BTN3A2: variants seen among roughly 807,000 people sequenced by gnomAD.
BTN3A2 encodes butyrophilin subfamily 3 member A2.
BTN3A2 carries 25 observed loss-of-function variants against 37.6 expected under a neutral mutation model. The observed-to-expected ratio is 0.66, with a 90% CI of 0.48 to 0.93. The LOEUF is 0.93. Ranked by LOEUF, BTN3A2 falls within the 40% of genes least tolerant of loss-of-function variation. The pLI, the probability that BTN3A2 is intolerant of heterozygous loss-of-function variation, is 0.00. For synonymous variants in BTN3A2, 122 were observed against 159.4 expected, an observed-to-expected ratio of 0.77 and a Z score of 1.77; for missense variants, 266 against 410.9, an observed-to-expected ratio of 0.65 and a Z score of 3.05.
intron 5 of BTN3A2, among the ~76,000 whole-genome samples, chr6:26,371,449 A>C (rs1423340831): frequency 1.3e-5 from 2 of 152,238 alleles, no homozygotes; most frequent in African/African-American, 4.8e-5. Flanking sequence ...GGCTTATAAT[A>C]CATGATTCTC....
At chr6:26,370,654 A>G (rs1424186151) in intron 5 of BTN3A2, 51 bp downstream of exon 5, 1 of 1,605,644 alleles carries the variant, frequency 6.2e-7, no homozygotes, top group African/African-American at 1.3e-5. Context: ...TGGCAGTTGA[A>G]TGAAGGGGGA....
rs190829915 is a variant in BTN3A2 at position 26,375,925 on chromosome 6, G to A, written c.*163G>A. The A allele has an allele frequency of 7.6e-6, 11 of 1,453,586 alleles. No homozygotes were observed. The African/African-American group carries it at 1.3e-4, about 17-fold the overall frequency. 90.0% of individuals were successfully genotyped at this position (1,453,586 alleles called of 1,614,324 possible). A position where few individuals can be genotyped will look rare whatever the true frequency, so the allele number is the denominator to read the frequency against. ...GTGAAGATTGAAAATTAACCTCTGA[G>A]GGCCAGCACAGCAGCTCATGCCTGT... is the stretch of plus-strand genomic sequence containing the variant. On this transcript the variant is annotated 3_prime_UTR_variant, in exon 11 of 11. Transcript: ENST00000377708.
intron 6 of BTN3A2, 80 bp downstream of exon 6, chr6:26,373,177 G>C: frequency 1.2e-6 from 2 of 1,604,028 alleles, no homozygotes; most frequent in Admixed American, 1.7e-5. Flanking sequence ...CCCTACCCTG[G>C]CACTGCATCA....
chr6:26,367,686 C>T (rs541134866), intron 1 of BTN3A2, among the ~76,000 whole-genome samples: 1 of 152,322 alleles, frequency 6.6e-6, no homozygotes, highest in African/African-American at 2.4e-5. Flanking sequence ...CCCTGACTGA[C>T]TTCAGAGCCT....
At chr6:26,373,588 G>GA (rs539931551) in intron 8 of BTN3A2, 175 bp downstream of exon 8, 25,663 of 140,312 alleles carry the variant, frequency 0.18, 2,636 homozygotes, top group Admixed American at 0.21. Flanking sequence ...TTTCTCTCTA[G>GA]AAAAAAAAAA....
At chr6:26,369,240 G>T (rs1399784723) in intron 4 of BTN3A2, among the ~76,000 whole-genome samples, 1 of 152,246 alleles carries the variant, frequency 6.6e-6, no homozygotes, top group Non-Finnish European at 1.5e-5. Flanking sequence ...TTGTGTAACA[G>T]ATGGCTTCTG....
In BTN3A2 at chr6:26,375,779, T is replaced by A; in HGVS notation, c.*35-18T>A. ...TTCTACAGCGCTAGAGATTCATATGTTTATCCCCATTTTTCAGGTGAGGAA... is the reference window on the plus strand; with the variant it reads ...TTCTACAGCGCTAGAGATTCATATGATTATCCCCATTTTTCAGGTGAGGAA... On this transcript the variant is annotated intron_variant, in intron 10 of 10. Coordinates refer to ENST00000377708, the MANE Select transcript of BTN3A2 (RefSeq NM_007047.5). The A allele has an allele frequency of 3.9e-6, 6 of 1,550,060 alleles. No individual in the cohort carries two copies. Among genetic ancestry groups the A allele is most frequent in the Non-Finnish European group, 5.2e-6 (6 of 1,146,492 alleles).
chr6:26,377,045 T>C lies in BTN3A2; in HGVS notation c.*1283T>C, dbSNP rs988874702. ...CCTCTTCCTCTGAGCCTCTGTATCC[T>C]GTATTCAGAATTTTGACCTTGGAGC... On this transcript the variant is annotated 3_prime_UTR_variant, in exon 11 of 11. Coordinates refer to ENST00000377708, the MANE Select transcript of BTN3A2 (RefSeq NM_007047.5). 9.4e-6 allele frequency: 13 copies of C among 1,384,072 alleles called. No homozygotes were observed. Among genetic ancestry groups the C allele is most frequent in the Non-Finnish European group, 1.3e-5 (13 of 974,592 alleles). 85.7% of individuals were successfully genotyped at this position (1,384,072 alleles called of 1,614,324 possible).
Position 26,374,346 on chromosome 6 carries a change from C to G in BTN3A2, c.984C>G (p.Ser328=). The G allele has an allele frequency of 2.5e-6, 4 of 1,613,258 alleles. No individual in the cohort carries two copies. The highest frequency in any genetic ancestry group is 3.4e-6 in the Non-Finnish European group (4 of 1,179,840). The stretch of plus-strand genomic sequence containing the variant: ...TTGTAGGTGGAGAGGAGTCTTCGTC[C>G]GATACCAATAAGTCAGCCTGATGCT... The part of the protein sequence containing the change: ...QYLTRGEESS[S]DTNKSA Residue 328 remains serine (S), a synonymous_variant, in exon 9 of 11, where the codon TCC becomes TCG. Coordinates refer to ENST00000377708, the MANE Select transcript of BTN3A2 (RefSeq NM_007047.5).
At position 26,365,254 on chromosome 6, in the gene BTN3A2, T is replaced by C. The variant is rs530270144; in HGVS notation, c.-165T>C. 6.1e-5 allele frequency: 91 copies of C among 1,483,288 alleles called. No individual in the cohort carries two copies. The African/African-American group carries it at 1.2e-3, about 19-fold the overall frequency. 91.9% of individuals were successfully genotyped at this position (1,483,288 alleles called of 1,614,324 possible). ...ATATTTGCTTTCTCTTTTTCCTTTCTTCCGGATGAGAGGCTAAGCCATAAT... is the reference window on the plus strand; with the variant it reads ...ATATTTGCTTTCTCTTTTTCCTTTCCTCCGGATGAGAGGCTAAGCCATAAT... On this transcript the variant is annotated 5_prime_UTR_variant, in exon 1 of 11. Transcript: ENST00000377708.
chr6:26,375,963 T>G lies in BTN3A2; in HGVS notation c.*201T>G. 1 of 1,177,500 alleles carries G rather than the reference T, an allele frequency of 8.5e-7. No individual in the cohort carries two copies. The highest frequency in any genetic ancestry group is 1.2e-6 in the Non-Finnish European group (1 of 835,412). 72.9% of individuals were successfully genotyped at this position (1,177,500 alleles called of 1,614,324 possible). Reference sequence around the variant, plus strand: ...AGCTCATGCCTGTAATCCTAGCACTTTGGAAGGCTGAGGAGGGCGGATCAC... The same window carrying G: ...AGCTCATGCCTGTAATCCTAGCACTGTGGAAGGCTGAGGAGGGCGGATCAC... On this transcript the variant is annotated 3_prime_UTR_variant, in exon 11 of 11. Coordinates refer to ENST00000377708, the MANE Select transcript of BTN3A2 (RefSeq NM_007047.5).
intron 5 of BTN3A2, among the ~76,000 whole-genome samples, chr6:26,371,121 G>A (rs1760069791): frequency 6.6e-6 from 1 of 152,066 alleles, no homozygotes; most frequent in Non-Finnish European, 1.5e-5. Context: ...AATTAGCCAG[G>A]TGTGGTGGAG....
Position 26,376,466 on chromosome 6 carries a change from G to A in BTN3A2, c.*704G>A, listed in dbSNP as rs1045328964. ...CACATTCAGGGCAGGCTAGGGACAC[G>A]GGGTTCTGGAAGGACCTCCTCAGCA... On this transcript the variant is annotated 3_prime_UTR_variant, in exon 11 of 11. Coordinates refer to ENST00000377708, the MANE Select transcript of BTN3A2 (RefSeq NM_007047.5). 3 of 996,120 alleles carry A rather than the reference G, an allele frequency of 3.0e-6. No individual in the cohort carries two copies. The highest frequency in any genetic ancestry group is 3.6e-5 in the South Asian group (2 of 56,312). The allele number at this position is 996,120 out of a possible 1,614,324, so 61.7% of individuals were successfully genotyped here.
intron 10 of BTN3A2, 99 bp downstream of exon 10, chr6:26,374,897 G>A: frequency 7.6e-7 from 1 of 1,321,896 alleles, no homozygotes; most frequent in South Asian, 1.4e-5. Context: ...GAGCAGAAAA[G>A]TTCCCTTGAC....
Position 26,376,958 on chromosome 6 carries a change from G to A in BTN3A2, c.*1196G>A. On this transcript the variant is annotated 3_prime_UTR_variant, in exon 11 of 11. Coordinates refer to ENST00000377708, the MANE Select transcript of BTN3A2 (RefSeq NM_007047.5). Reference sequence around the variant, plus strand: ...AAGTGGGGGTCATCCTGGACTATGAGACTGGACATATCTCGTTCTACAATG... The same window carrying A: ...AAGTGGGGGTCATCCTGGACTATGAAACTGGACATATCTCGTTCTACAATG... 6.3e-7 allele frequency: 1 copy of A among 1,591,464 alleles called. No individual in the cohort carries two copies. Among genetic ancestry groups the A allele is most frequent in the Non-Finnish European group, 8.6e-7 (1 of 1,160,058 alleles).
chr6:26,369,155 C>T (rs908354603), intron 4 of BTN3A2, among the ~76,000 whole-genome samples: 2 of 152,050 alleles, frequency 1.3e-5, no homozygotes, highest in East Asian at 1.9e-4. Flanking sequence ...GAGATATAAG[C>T]GAAGTGAAGG....
intron 8 of BTN3A2, chr6:26,373,678 G>A (rs973569897): frequency 8.0e-6 from 3 of 373,606 alleles, no homozygotes; most frequent in Non-Finnish European, 1.4e-5. Flanking sequence ...GGAATATCCA[G>A]GGGTACACTT....
intron 10 of BTN3A2, 185 bp from the exon 11 acceptor site, chr6:26,375,612 G>A: frequency 6.7e-7 from 1 of 1,496,560 alleles, no homozygotes; most frequent in Non-Finnish European, 8.9e-7. Context: ...GAAGAGGGTG[G>A]AGAAAGCTGA....
chr6:26,365,474 C>CTGTGTGTGTGTGTG (rs55949951), intron 1 of BTN3A2, 122 bp downstream of exon 1: 71 of 550,900 alleles, frequency 1.3e-4, no homozygotes, highest in African/African-American at 3.1e-4. Flanking sequence ...GGTGCAGTGC[C>CTGTGTGTGTGTGTG]TGTGTGTGTG....
Sources: gnomAD v4.1 joint callset for allele counts (sites outside exome capture counted in the v4.1 genomes callset) on GRCh38, gnomAD v4.1.1 for gene constraint, MANE v1.5 for transcripts, NCBI Gene and HGNC (gene_info 2026-07-23, HGNC 2026-07-21) for gene names.